Variants in CLCN6 observed in about 807,000 individuals in gnomAD.
CLCN6 encodes the protein H(+)/Cl(-) exchange transporter 6.
A neutral mutation model predicts 109.8 loss-of-function variants in CLCN6; 70 were observed. That is an observed-to-expected ratio of 0.64 (90% CI 0.53 to 0.78). CLCN6 has a LOEUF of 0.78. Ranked by LOEUF, CLCN6 falls within the 30% of genes least tolerant of loss-of-function variation. The pLI, the probability that CLCN6 is intolerant of heterozygous loss-of-function variation, is 0.00. For synonymous variants in CLCN6, 444 were observed against 447.8 expected, an observed-to-expected ratio of 0.99 and a Z score of 0.11; for missense variants, 984 against 1,142.3, an observed-to-expected ratio of 0.86 and a Z score of 2.00.
intron 3 of CLCN6, 93 bp from the exon 4 acceptor site, chr1:11,816,522 G>T: frequency 2.6e-6 from 3 of 1,159,852 alleles, no homozygotes; most frequent in Non-Finnish European, 3.8e-6. Flanking sequence ...TCTCCACGTG[G>T]AATTTAGCTT....
rs1426759652 is a variant in CLCN6 at position 11,838,383 on chromosome 1, C to G, written c.2344C>G (p.Pro782Ala). 3 of 1,613,742 alleles carry G rather than the reference C, an allele frequency of 1.9e-6. No individual in the cohort carries two copies. Among genetic ancestry groups the G allele is most frequent in the Non-Finnish European group, 8.5e-7 (1 of 1,180,010 alleles). The change falls in exon 21 of 23, where the codon CCG becomes GCG. Residue 782 changes from proline to alanine, a missense_variant. By Grantham distance (27) the Pro-to-Ala change is conservative. Transcript: ENST00000346436. ...LSYAEMAEDY[P>A]RYPDIHDLDL... ...CTATGCCGAGATGGCCGAGGACTAC[C>G]CGCGGTACCCCGACATCCACGACCT...
intron 6 of CLCN6, 126 bp from the exon 7 acceptor site, chr1:11,823,581 T>C (rs903600091): frequency 2.3e-6 from 3 of 1,289,996 alleles, no homozygotes; most frequent in Non-Finnish European, 3.3e-6. Flanking sequence ...CTGCAAGCCC[T>C]CCAGGTGACG....
intron 6 of CLCN6, among the ~76,000 whole-genome samples, chr1:11,823,345 C>T (rs551462730): frequency 8.3e-4 from 126 of 152,056 alleles, no homozygotes; most frequent in African/African-American, 2.8e-3. Context: ...GGCGTGGTGG[C>T]GCATGCCTGT....
intron 2 of CLCN6, among the ~76,000 whole-genome samples, chr1:11,809,366 C>T (rs1644566990): frequency 1.3e-5 from 2 of 152,202 alleles, no homozygotes; most frequent in South Asian, 4.1e-4. Flanking sequence ...CATTGACACC[C>T]AGGCTCCCTC....
rs1557433070 is a variant in CLCN6 at position 11,834,791 on chromosome 1, T to C, written c.1793+201T>C. ...GGGGCAGGGCAGGGGACACGGGCAC[T>C]GTGGGACTGCAGTGGGCAGGGCCTC... On this transcript the variant is annotated intron_variant, in intron 17 of 22. Coordinates refer to ENST00000346436, the MANE Select transcript of CLCN6 (RefSeq NM_001286.5). This position sits in a 1 kb window ranked among gnomAD's most constrained non-coding sequence, Gnocchi z 4.5. Among the ~76,000 whole-genome samples, 1 of 152,140 alleles carries C rather than the reference T, an allele frequency of 6.6e-6. No homozygotes were observed. The highest frequency in any genetic ancestry group is 1.5e-5 in the Non-Finnish European group (1 of 68,018).
intron 13 of CLCN6, 29 bp from the exon 14 acceptor site, chr1:11,833,486 G>A: frequency 1.2e-6 from 2 of 1,611,778 alleles, no homozygotes; most frequent in South Asian, 2.2e-5. Context: ...AGGTGTCCTT[G>A]TACTGATTTT....
chr1:11,819,841 G>A (rs935900361), intron 5 of CLCN6, among the ~76,000 whole-genome samples: 3 of 152,186 alleles, frequency 2.0e-5, no homozygotes, highest in Non-Finnish European at 4.4e-5. Flanking sequence ...AGAATTTGTT[G>A]TGGAACTCAG....
chr1:11,838,603 C>CAG lies in CLCN6; in HGVS notation c.2473_2474insGA (p.Asn825ArgfsTer15). 1 of 1,614,194 alleles carries CAG rather than the reference C, an allele frequency of 6.2e-7. No individual in the cohort carries two copies. The highest frequency in any genetic ancestry group is 8.5e-7 in the Non-Finnish European group (1 of 1,180,012). On this transcript the variant is annotated frameshift_variant, in exon 22 of 23. Transcript: ENST00000346436. LOFTEE classifies it high-confidence loss of function. ...CCAACACCCACGTCTCCCAAGTCTT[C>CAG]AACCTGTTCAGAACGATGGGCCTGC...
At chr1:11,813,459 C>T (rs1644629485) in intron 2 of CLCN6, among the ~76,000 whole-genome samples, 1 of 151,072 alleles carries the variant, frequency 6.6e-6, no homozygotes, top group African/African-American at 2.4e-5. Flanking sequence ...AGCACAATCT[C>T]GGCTCACTGC....
rs746813295 is a variant in CLCN6 at position 11,829,221 on chromosome 1, C to T, written c.1147C>T (p.Leu383=). The change falls in exon 13 of 23, where the codon CTG becomes TTG. Residue 383 remains leucine (L), a synonymous_variant. Coordinates refer to ENST00000346436, the MANE Select transcript of CLCN6 (RefSeq NM_001286.5). The stretch of plus-strand genomic sequence containing the variant: ...AGTCTTAGAGAGCCTCCTTGTGTCT[C>T]TGGTAACCACCGTGGTGGTGTTTGT... ...VRVLESLLVS[L]VTTVVVFVAS... 3 of 1,614,106 alleles carry T rather than the reference C, an allele frequency of 1.9e-6. No individual in the cohort carries two copies. Among genetic ancestry groups the T allele is most frequent in the Non-Finnish European group, 2.5e-6 (3 of 1,179,990 alleles).
chr1:11,808,217 GTGTGTGTGTT>G (rs1306269867), intron 2 of CLCN6, among the ~76,000 whole-genome samples: 6 of 137,930 alleles, frequency 4.4e-5, no homozygotes, highest in African/African-American at 1.4e-4. Context: ...TATTGTATGT[GTGTGTGTGTT>G]TGTGTGTGTG....
chr1:11,810,642 A>G (rs988862174), intron 2 of CLCN6, among the ~76,000 whole-genome samples: 3 of 152,240 alleles, frequency 2.0e-5, no homozygotes, highest in South Asian at 4.1e-4. Context: ...CCTAAACCAA[A>G]GAGCAACATA....
Position 11,840,358 on chromosome 1 carries a change from C to T in CLCN6, c.*135C>T, listed in dbSNP as rs893621508. 1.6e-5 allele frequency: 13 copies of T among 793,910 alleles called. No homozygotes were observed. Among genetic ancestry groups the T allele is most frequent in the South Asian group, 2.9e-5 (2 of 69,886 alleles). The allele number at this position is 793,910 out of a possible 1,614,324, so 49.2% of individuals were successfully genotyped here. A position where few individuals can be genotyped will look rare whatever the true frequency, so the allele number is the denominator to read the frequency against. ...ACTCACTCAGAAAGCCGGGAGTCATCGGACACCTTGCTGGTCAGAGGTCCT... is the reference window on the plus strand; with the variant it reads ...ACTCACTCAGAAAGCCGGGAGTCATTGGACACCTTGCTGGTCAGAGGTCCT... On this transcript the variant is annotated 3_prime_UTR_variant, in exon 23 of 23. Coordinates refer to ENST00000346436, the MANE Select transcript of CLCN6 (RefSeq NM_001286.5).
Position 11,833,524 on chromosome 1 carries a change from G to A in CLCN6, c.1258G>A (p.Asp420Asn). Residue 420 changes from aspartate to asparagine, a missense_variant, in exon 14 of 23, where the codon GAT becomes AAT. Coordinates refer to ENST00000346436, the MANE Select transcript of CLCN6 (RefSeq NM_001286.5). ...GATTCCTTCTTCTCAGGTCACAGAA[G>A]ATGTGAATTCAAGTATCAAGACATT... is the stretch of plus-strand genomic sequence containing the variant. ...NDSFQLQVTEDVNSSIKTFFC... is the reference protein window; with the variant it reads ...NDSFQLQVTENVNSSIKTFFC... 6.2e-7 allele frequency: 1 copy of A among 1,613,890 alleles called. No homozygotes were observed. The highest frequency in any genetic ancestry group is 8.5e-7 in the Non-Finnish European group (1 of 1,179,942).
At position 11,838,338 on chromosome 1, in the gene CLCN6, G is replaced by T. The variant is rs201096522; in HGVS notation, c.2299G>T (p.Ala767Ser). 3.1e-6 allele frequency: 5 copies of T among 1,613,254 alleles called. No individual in the cohort carries two copies. The highest frequency in any genetic ancestry group is 1.7e-5 in the Admixed American group (1 of 60,004). The change falls in exon 21 of 23, where the codon GCC (alanine) becomes TCC (serine). Residue 767 changes from alanine (A) to serine (S), a missense_variant. Ala to Ser is a moderately conservative substitution (Grantham distance 99, BLOSUM62 1). Coordinates refer to ENST00000346436, the MANE Select transcript of CLCN6 (RefSeq NM_001286.5). Reference protein sequence around the residue: ...GVCYSESQSSASQPRLSYAEM... With the variant: ...GVCYSESQSSSSQPRLSYAEM... ...AGTGTCTGGGTTGGAATTGCAGAGC[G>T]CCAGCCAGCCGCGCCTCTCCTATGC...
chr1:11,823,908 A>C lies in CLCN6; in HGVS notation c.580+75A>C, dbSNP rs558123104. ...ACAAGAAGCATGATGTATTTCAGTT[A>C]TTAGATTTGGACTGCAGGGCCCAGC... On this transcript the variant is annotated intron_variant, in intron 7 of 22. Transcript: ENST00000346436. The C allele has an allele frequency of 8.0e-5, 127 of 1,584,662 alleles. 1 individual carries two copies. The highest frequency in any genetic ancestry group is 8.7e-5 in the Non-Finnish European group (101 of 1,161,372).
chr1:11,840,476 T>G lies in CLCN6; in HGVS notation c.*253T>G. Reference sequence around the variant, plus strand: ...TGCTCCCTGTGTTCCCACCCTCCAGTGTTGGCACAGGCCCACCCCTGGCTC... The same window carrying G: ...TGCTCCCTGTGTTCCCACCCTCCAGGGTTGGCACAGGCCCACCCCTGGCTC... On this transcript the variant is annotated 3_prime_UTR_variant, in exon 23 of 23. Coordinates refer to ENST00000346436, the MANE Select transcript of CLCN6 (RefSeq NM_001286.5). 2 of 562,310 alleles carry G rather than the reference T, an allele frequency of 3.6e-6. No individual in the cohort carries two copies. The highest frequency in any genetic ancestry group is 1.9e-5 in the African/African-American group (1 of 53,210). 34.8% of individuals were successfully genotyped at this position (562,310 alleles called of 1,614,324 possible). A position where few individuals can be genotyped will look rare whatever the true frequency, so the allele number is the denominator to read the frequency against.
At chr1:11,828,293 G>A in intron 11 of CLCN6, 74 bp downstream of exon 11, 1 of 1,469,950 alleles carries the variant, frequency 6.8e-7, no homozygotes, top group Non-Finnish European at 9.5e-7. Context: ...GGACCAGAGA[G>A]AAATGAGCAG....
chr1:11,834,038 GTGTGTGTGCGTGTGTGTGCGCATGTGCA>G lies in CLCN6; in HGVS notation c.1526+18_1526+45del. On this transcript the variant is annotated intron_variant, in intron 15 of 22. Coordinates refer to ENST00000346436, the MANE Select transcript of CLCN6 (RefSeq NM_001286.5). The surrounding 1 kb of genome is among the most constrained non-coding windows in gnomAD (Gnocchi z 4.5). ...TGCCAATGTCCTAAAAAGGTACTCT[GTGTGTGTGCGTGTGTGTGCGCATGTGCA>G]TGTGTGTGCACGTGTGCGTGTGTAT... is the stretch of plus-strand genomic sequence containing the variant. 1.2e-6 allele frequency: 2 copies of G among 1,612,570 alleles called. No homozygotes were observed. The highest frequency in any genetic ancestry group is 3.4e-5 in the Admixed American group (2 of 59,596).
Sources: allele counts gnomAD v4.1 joint callset (sites outside exome capture counted in the v4.1 genomes callset), GRCh38; gene constraint gnomAD v4.1.1; non-coding constraint Gnocchi (gnomAD v3.1); transcripts MANE v1.5; gene names NCBI Gene and HGNC (gene_info 2026-07-23, HGNC 2026-07-21).